The following PTPRD variants were observed in gnomAD, a reference collection of about 807,000 sequenced individuals.
The protein encoded by PTPRD is protein tyrosine phosphatase receptor type D, also known as receptor-type tyrosine-protein phosphatase delta.
A neutral mutation model predicts 214.5 loss-of-function variants in PTPRD; 34 were observed. That is an observed-to-expected ratio of 0.16 (90% CI 0.12 to 0.21). The LOEUF (loss-of-function observed/expected upper bound fraction) is 0.21, where lower values mean the gene tolerates loss of function less well. Ranked by LOEUF, PTPRD falls within the 10% of genes least tolerant of loss-of-function variation. PTPRD has a pLI of 1.00. For synonymous variants in PTPRD, 1,128 were observed against 845.7 expected (o/e 1.33, Z -5.79); for missense variants, 2,545 against 2,398.7 (o/e 1.06, Z -1.27).
chr9:9,847,025 T>G (rs914801755), intron 5 of PTPRD, among the ~76,000 whole-genome samples: 4 of 152,096 alleles, frequency 2.6e-5, no homozygotes, highest in African/African-American at 7.2e-5. Flanking sequence ...CATCCAGACA[T>G]TCAAGTAATT....
chr9:9,084,681 C>A (rs1328824563), intron 10 of PTPRD, among the ~76,000 whole-genome samples: 1 of 151,954 alleles, frequency 6.6e-6, no homozygotes, highest in Non-Finnish European at 1.5e-5. Context: ...CTGTCCCTAA[C>A]AATGGTAGTA....
chr9:8,730,240 A>G (rs2098641624), intron 12 of PTPRD, among the ~76,000 whole-genome samples: 1 of 152,220 alleles, frequency 6.6e-6, no homozygotes, highest in Admixed American at 6.5e-5. Context: ...TAGGCGACTG[A>G]GCGAGACTCT....
At chr9:10,264,659 G>A (rs142422671) in intron 3 of PTPRD, among the ~76,000 whole-genome samples, 158 of 152,248 alleles carry the variant, frequency 1.0e-3, no homozygotes, top group African/African-American at 3.6e-3. Flanking sequence ...TGTTTCAGAT[G>A]AGACTTTGGA....
intron 11 of PTPRD, among the ~76,000 whole-genome samples, chr9:8,996,850 G>T (rs1394602955): frequency 6.6e-6 from 1 of 151,890 alleles, no homozygotes; most frequent in Non-Finnish European, 1.5e-5. Flanking sequence ...GAATTTTGGG[G>T]GATATAACAT....
intron 5 of PTPRD, among the ~76,000 whole-genome samples, chr9:9,918,866 C>G (rs1037545341): frequency 3.3e-5 from 5 of 151,944 alleles, no homozygotes; most frequent in African/African-American, 1.2e-4. Flanking sequence ...AGAATTAGAC[C>G]CCTGCCTCCA....
Position 8,678,329 on chromosome 9 carries a change from G to A in PTPRD, c.65-41485C>T, listed in dbSNP as rs117213606. Reference sequence around the variant, plus strand: ...AACTATTTGACCTTTTCAAAACCACGGTTTTCCAAAAGTTAACATCTACCA... The same window carrying A: ...AACTATTTGACCTTTTCAAAACCACAGTTTTCCAAAAGTTAACATCTACCA... On this transcript the variant is annotated intron_variant, in intron 12 of 45. Coordinates refer to ENST00000381196, the MANE Select transcript of PTPRD (RefSeq NM_002839.4). Among the ~76,000 whole-genome samples the A allele has an allele frequency of 3.7e-3, 570 of 152,086 alleles. 2 individuals are homozygous for A. The highest frequency in any genetic ancestry group is 5.2e-3 in the Non-Finnish European group (356 of 67,992).
intron 7 of PTPRD, among the ~76,000 whole-genome samples, chr9:9,695,815 G>A (rs1335924644): frequency 1.3e-5 from 2 of 151,998 alleles, no homozygotes; most frequent in East Asian, 3.9e-4. Context: ...ATTTTGTTGA[G>A]GATGTTTACA....
intron 10 of PTPRD, among the ~76,000 whole-genome samples, chr9:9,065,965 C>T (rs2099730214): frequency 6.6e-6 from 1 of 152,038 alleles, no homozygotes; most frequent in South Asian, 2.1e-4. Flanking sequence ...TAAAGCATAA[C>T]ACCATTGTTA....
At chr9:9,073,917 T>C (rs1291535307) in intron 10 of PTPRD, among the ~76,000 whole-genome samples, 1 of 152,080 alleles carries the variant, frequency 6.6e-6, no homozygotes, top group African/African-American at 2.4e-5. Flanking sequence ...GCATCTAGTC[T>C]GTGTAATATT....
chr9:10,579,731 T>G (rs986042658), intron 2 of PTPRD, among the ~76,000 whole-genome samples: 2 of 152,206 alleles, frequency 1.3e-5, no homozygotes, highest in South Asian at 2.1e-4. Flanking sequence ...TTCATCAATG[T>G]GTATAACTGT....
At chr9:9,366,724 T>C (rs2057987841) in intron 9 of PTPRD, among the ~76,000 whole-genome samples, 1 of 151,466 alleles carries the variant, frequency 6.6e-6, no homozygotes. Flanking sequence ...AACGAATCAT[T>C]AAGAATATGG....
At chr9:10,469,958 A>T (rs930666061) in intron 2 of PTPRD, among the ~76,000 whole-genome samples, 1 of 151,904 alleles carries the variant, frequency 6.6e-6, no homozygotes, top group Non-Finnish European at 1.5e-5. Flanking sequence ...AAAAAAAAAA[A>T]TCTCATGAAG....
chr9:9,661,707 TG>T (rs1341135869), intron 7 of PTPRD, among the ~76,000 whole-genome samples: 5 of 151,718 alleles, frequency 3.3e-5, no homozygotes, highest in African/African-American at 4.8e-5. Context: ...ACATACAACA[TG>T]ATTCGAAGAA....
intron 11 of PTPRD, among the ~76,000 whole-genome samples, chr9:8,786,869 A>T (rs939119263): frequency 1.3e-5 from 2 of 152,108 alleles, no homozygotes; most frequent in African/African-American, 4.8e-5. Context: ...TATGATACCT[A>T]GGTGTCTGCT....
chr9:9,029,936 AG>A (rs2099599184), intron 10 of PTPRD, among the ~76,000 whole-genome samples: 1 of 152,012 alleles, frequency 6.6e-6, no homozygotes, highest in Admixed American at 6.6e-5. Context: ...GCACGATTTC[AG>A]GTGGTGACTC....
chr9:10,345,092 T>C (rs533967430), intron 2 of PTPRD, among the ~76,000 whole-genome samples: 1 of 152,162 alleles, frequency 6.6e-6, no homozygotes. Flanking sequence ...TTTGGTATGC[T>C]GATGAATTCC....
intron 8 of PTPRD, among the ~76,000 whole-genome samples, chr9:9,534,995 G>A (rs1211205805): frequency 6.6e-6 from 1 of 152,102 alleles, no homozygotes; most frequent in Non-Finnish European, 1.5e-5. Context: ...GAATTTTACA[G>A]ACTAAATGTA....
intron 9 of PTPRD, among the ~76,000 whole-genome samples, chr9:9,312,429 A>G (rs1959319869): frequency 6.6e-6 from 1 of 152,148 alleles, no homozygotes; most frequent in Non-Finnish European, 1.5e-5. Context: ...TTTGTTCAAC[A>G]TCATCTTCTT....
intron 3 of PTPRD, among the ~76,000 whole-genome samples, chr9:10,077,488 A>C (rs1351697428): frequency 2.0e-5 from 3 of 152,104 alleles, no homozygotes; most frequent in East Asian, 3.9e-4. Flanking sequence ...TGTTTGGAGT[A>C]TTTATTACTT....
Sources: allele counts gnomAD v4.1 joint callset (sites outside exome capture counted in the v4.1 genomes callset), GRCh38; gene constraint gnomAD v4.1.1; transcripts MANE v1.5; gene names NCBI Gene and HGNC (gene_info 2026-07-23, HGNC 2026-07-21).